The following NCOA2 variants were observed in gnomAD, a reference collection of about 807,000 sequenced individuals.
NCOA2 encodes nuclear receptor coactivator 2.
A neutral mutation model predicts 145.1 loss-of-function variants in NCOA2; 21 were observed. The observed-to-expected ratio is 0.14, with a 90% CI of 0.10 to 0.21. The LOEUF (loss-of-function observed/expected upper bound fraction) is 0.21, where lower values mean the gene tolerates loss of function less well. Ranked by LOEUF, NCOA2 falls within the 10% of genes least tolerant of loss-of-function variation. The pLI is 1.00. For synonymous variants in NCOA2, 619 were observed against 637.5 expected, an observed-to-expected ratio of 0.97 and a Z score of 0.44; for missense variants, 1,472 against 1,837.6, an observed-to-expected ratio of 0.80 and a Z score of 3.64.
chr8:70,147,123 C>CGTGT (rs1554573866), intron 12 of NCOA2, among the ~76,000 whole-genome samples: 1 of 146,328 alleles, frequency 6.8e-6, no homozygotes, highest in African/African-American at 2.6e-5. Context: ...CGCGCGCGCG[C>CGTGT]GCGCGTGTGT....
intron 1 of NCOA2, among the ~76,000 whole-genome samples, chr8:70,383,504 T>A (rs904260986): frequency 6.6e-6 from 1 of 151,704 alleles, no homozygotes; most frequent in Non-Finnish European, 1.5e-5. Flanking sequence ...GTTTTTTTTG[T>A]TTTTGTTTTT....
chr8:70,282,202 G>A (rs184954337), intron 2 of NCOA2, among the ~76,000 whole-genome samples: 1 of 151,980 alleles, frequency 6.6e-6, no homozygotes, highest in Non-Finnish European at 1.5e-5. Context: ...TCTCAATATG[G>A]GGTTCATGTT....
At chr8:70,399,758 T>C (rs187849610) in intron 1 of NCOA2, among the ~76,000 whole-genome samples, 274 of 152,318 alleles carry the variant, frequency 1.8e-3, no homozygotes, top group African/African-American at 6.4e-3. Context: ...TTCAGAAAAA[T>C]TGTTTAAAGA....
At chr8:70,332,207 G>T (rs576859096) in intron 1 of NCOA2, among the ~76,000 whole-genome samples, 1 of 152,112 alleles carries the variant, frequency 6.6e-6, no homozygotes, top group East Asian at 1.9e-4. Flanking sequence ...AAATCTCTAG[G>T]AATTTTGAAA....
At chr8:70,276,227 A>G (rs1825453783) in intron 2 of NCOA2, among the ~76,000 whole-genome samples, 3 of 152,150 alleles carry the variant, frequency 2.0e-5, no homozygotes, top group Admixed American at 2.0e-4. Flanking sequence ...TTGGGACAGG[A>G]CCCATAACAG....
At chr8:70,375,293 C>T (rs1181466425) in intron 1 of NCOA2, among the ~76,000 whole-genome samples, 1 of 152,102 alleles carries the variant, frequency 6.6e-6, no homozygotes, top group Admixed American at 6.5e-5. Context: ...AAGATCATCC[C>T]AGAGGAAGGC....
At chr8:70,408,903 C>T in the NCOA2 span, among the ~76,000 whole-genome samples, 385 of 150,670 alleles carry the variant, frequency 2.6e-3, 2 homozygotes, top group African/African-American at 8.7e-3. Context: ...GTTAGGATTA[C>T]GGCATAAGCC....
the NCOA2 span, among the ~76,000 whole-genome samples, chr8:70,437,551 A>G: frequency 1.3e-5 from 2 of 152,262 alleles, no homozygotes; most frequent in Non-Finnish European, 1.5e-5. Context: ...AGACACAATG[A>G]TGACATACAA....
chr8:70,143,050 A>G (rs969601334), intron 13 of NCOA2, among the ~76,000 whole-genome samples: 10 of 151,888 alleles, frequency 6.6e-5, no homozygotes, highest in African/African-American at 2.4e-4. Context: ...CCTGGGTTCA[A>G]GTGATTCTCC....
intron 21 of NCOA2, 130 bp from the exon 22 acceptor site, chr8:70,121,521 TG>T (rs541704910): frequency 5.7e-5 from 38 of 664,354 alleles, no homozygotes; most frequent in Non-Finnish European, 9.7e-5. Context: ...TGCAGAACAA[TG>T]GCCTCATCCT....
At chr8:70,129,035 G>A in intron 16 of NCOA2, 55 bp from the exon 17 acceptor site, 1 of 1,497,386 alleles carries the variant, frequency 6.7e-7, no homozygotes. Flanking sequence ...AAACAGCAGA[G>A]TCAATATAAG....
intron 2 of NCOA2, among the ~76,000 whole-genome samples, chr8:70,248,844 C>T (rs1822847242): frequency 6.6e-6 from 1 of 151,004 alleles, no homozygotes; most frequent in Non-Finnish European, 1.5e-5. Flanking sequence ...GCAGAACCCA[C>T]CAATACAGAG....
chr8:70,217,795 T>C (rs1819765760), intron 2 of NCOA2, among the ~76,000 whole-genome samples: 2 of 152,044 alleles, frequency 1.3e-5, no homozygotes, highest in African/African-American at 2.4e-5. Flanking sequence ...AGGTGTTCAA[T>C]AACTGCTTAC....
the NCOA2 span, among the ~76,000 whole-genome samples, chr8:70,432,204 C>A: frequency 6.6e-6 from 1 of 152,196 alleles, no homozygotes; most frequent in Admixed American, 6.5e-5. Flanking sequence ...ATTTCCCTGA[C>A]AGTGAGGCTG....
In NCOA2 at chr8:70,241,178, T is replaced by A. The variant is rs117816815; in HGVS notation, c.-19-24414A>T. Among the ~76,000 whole-genome samples the A allele has an allele frequency of 4.4e-3, 672 of 152,204 alleles. 3 individuals are homozygous for A. The highest frequency in any genetic ancestry group is 7.4e-3 in the Non-Finnish European group (505 of 67,978). On this transcript the variant is annotated intron_variant, in intron 2 of 22. Transcript: ENST00000452400. ...TGAATGCTCCATCATAGCAATGCAG[T>A]GAGTAAAGGACCTTGGAAGCAGCAA... is the stretch of plus-strand genomic sequence containing the variant.
At chr8:70,161,213 C>T (rs974497354) in intron 9 of NCOA2, among the ~76,000 whole-genome samples, 1 of 152,186 alleles carries the variant, frequency 6.6e-6, no homozygotes, top group African/African-American at 2.4e-5. Flanking sequence ...CTGTTTAAAT[C>T]TAGTGCAGTG....
At chr8:70,441,497 AAG>A in the NCOA2 span, among the ~76,000 whole-genome samples, 2 of 150,940 alleles carry the variant, frequency 1.3e-5, no homozygotes, top group African/African-American at 2.4e-5. Context: ...AAGGGAAAGA[AAG>A]AGAAAGAAAA....
At chr8:70,137,201 G>A (rs1423916371) in intron 15 of NCOA2, among the ~76,000 whole-genome samples, 2 of 152,128 alleles carry the variant, frequency 1.3e-5, no homozygotes, top group African/African-American at 2.4e-5. Flanking sequence ...CACCACACCC[G>A]GCTAAGTTTT....
the NCOA2 span, among the ~76,000 whole-genome samples, chr8:70,455,746 C>T: frequency 6.6e-6 from 1 of 151,280 alleles, no homozygotes; most frequent in East Asian, 1.9e-4. Context: ...ATAACTTTAC[C>T]ATTTGTTCTT....
Sources: gnomAD v4.1 joint callset for allele counts (sites outside exome capture counted in the v4.1 genomes callset) on GRCh38, gnomAD v4.1.1 for gene constraint, MANE v1.5 for transcripts, NCBI Gene and HGNC (gene_info 2026-07-23, HGNC 2026-07-21) for gene names.